Variants in UMOD observed in about 807,000 individuals in gnomAD.
UMOD encodes the protein Tamm-Horsfall urinary glycoprotein.
UMOD carries 64 observed loss-of-function variants against 66.0 expected under a neutral mutation model. The ratio of observed to expected loss-of-function variants is 0.97; its 90% CI spans 0.79 to 1.19. UMOD has a LOEUF of 1.19. Among genes scored for constraint, UMOD ranks in the 50% most tolerant of loss-of-function variants. UMOD has a pLI of 0.00. For missense variants in UMOD, 764 were observed against 850.9 expected (o/e 0.90, Z 1.27); for synonymous variants, 398 against 352.7 (o/e 1.13, Z -1.44).
intron 5 of UMOD, among the ~76,000 whole-genome samples, chr16:20,345,628 A>G (rs1022934988): frequency 6.8e-6 from 1 of 147,210 alleles, no homozygotes; most frequent in African/African-American, 2.5e-5. Flanking sequence ...GTAATGAGGG[A>G]GGTGGCAGGA....
In UMOD at chr16:20,344,192, TGGAGGGGG is replaced by T; in HGVS notation, c.1183-28_1183-21del. 1.8e-6 allele frequency: 1 copy of T among 555,038 alleles called. No homozygotes were observed. The highest frequency in any genetic ancestry group is 2.9e-6 in the Non-Finnish European group (1 of 342,518). The allele number at this position is 555,038 out of a possible 1,614,324, so 34.4% of individuals were successfully genotyped here. A position where few individuals can be genotyped will look rare whatever the true frequency, so the allele number is the denominator to read the frequency against. ...ATTCCTCTGTTGCAGGGAATGGGGG[TGGAGGGGG>T]GGTGGGGATGAGAGAAAGGGGCATG... is the stretch of plus-strand genomic sequence containing the variant. On this transcript the variant is annotated intron_variant, in intron 5 of 10. Coordinates refer to ENST00000396138, the MANE Select transcript of UMOD (RefSeq NM_003361.4).
chr16:20,336,951 T>C (rs966933299), intron 8 of UMOD, among the ~76,000 whole-genome samples: 1 of 152,188 alleles, frequency 6.6e-6, no homozygotes, highest in Non-Finnish European at 1.5e-5. Context: ...CCTCTCCTCA[T>C]GAGGAAAGGG....
intron 4 of UMOD, among the ~76,000 whole-genome samples, 160 bp downstream of exon 4, chr16:20,348,063 G>A (rs1596560399): frequency 6.6e-6 from 1 of 152,292 alleles, no homozygotes; most frequent in Non-Finnish European, 1.5e-5. Flanking sequence ...GCCTCTTGCC[G>A]GCTTTAATGG....
Position 20,341,146 on chromosome 16 carries a change from C to T in UMOD, c.1522G>A (p.Ala508Thr). The T allele has an allele frequency of 6.2e-7, 1 of 1,614,102 alleles. No homozygotes were observed. The highest frequency in any genetic ancestry group is 8.5e-7 in the Non-Finnish European group (1 of 1,180,036). ...TCCGTGGCATTGCTACTGGGTGTGG[C>T]ATAGCAGTTGGTCATGAGCAGTGCA... is the stretch of plus-strand genomic sequence containing the variant. ...RFALLMTNCYATPSSNATDPL... is the reference protein window; with the variant it reads ...RFALLMTNCYTTPSSNATDPL... Residue 508 changes from alanine to threonine, a missense_variant, in exon 7 of 11, where the codon GCC (alanine) becomes ACC (threonine). Physicochemically the swap from Ala to Thr is moderately conservative, Grantham distance 58. Transcript: ENST00000396138.
chr16:20,348,977 G>C lies in UMOD; in HGVS notation c.324C>G (p.Asp108Glu). 6.4e-7 allele frequency: 1 copy of C among 1,574,374 alleles called. No homozygotes were observed. The highest frequency in any genetic ancestry group is 8.6e-7 in the Non-Finnish European group (1 of 1,160,066). The change falls in exon 3 of 11, where the codon GAC (aspartate) becomes GAG (glutamate). Residue 108 changes from aspartate to glutamate, a missense_variant. Coordinates refer to ENST00000396138, the MANE Select transcript of UMOD (RefSeq NM_003361.4). Reference sequence around the variant, plus strand: ...GCCCAGGCTCAGCGCACTCATCCACGTCTGTGCAGCCGAGACCGGGCGACA... The same window carrying C: ...GCCCAGGCTCAGCGCACTCATCCACCTCTGTGCAGCCGAGACCGGGCGACA... ...FRLSPGLGCT[D>E]VDECAEPGLS...
At chr16:20,340,468 G>A (rs1367193840) in intron 7 of UMOD, among the ~76,000 whole-genome samples, 21 of 110,568 alleles carry the variant, frequency 1.9e-4, no homozygotes, top group Non-Finnish European at 3.3e-4. Flanking sequence ...ATATGTGTGT[G>A]TGTGTATATA....
At chr16:20,335,630 T>G in intron 9 of UMOD, 110 bp from the exon 10 acceptor site, 2 of 1,061,432 alleles carry the variant, frequency 1.9e-6, no homozygotes, top group Non-Finnish European at 2.9e-6. Flanking sequence ...GACTGATCTC[T>G]TCAAAACCCA....
chr16:20,344,731 T>C (rs917219680), intron 5 of UMOD, among the ~76,000 whole-genome samples: 1 of 152,220 alleles, frequency 6.6e-6, no homozygotes, highest in East Asian at 1.9e-4. Flanking sequence ...CATGCGCATA[T>C]GTCATGTGCC....
rs1188136848 is a variant in UMOD at position 20,337,344 on chromosome 16, A to G, written c.1687T>C (p.Tyr563His). 1 of 1,614,248 alleles carries G rather than the reference A, an allele frequency of 6.2e-7. No individual in the cohort carries two copies. The highest frequency in any genetic ancestry group is 1.3e-5 in the African/African-American group (1 of 75,066). ...CAGAGATAGACTTCACAGTGCAGGT[A>G]GACTAGGTCATAGTTTCCAGCAAAC... Reference protein sequence around the residue: ...FRFAGNYDLVYLHCEVYLCDT... With the variant: ...FRFAGNYDLVHLHCEVYLCDT... Residue 563 changes from tyrosine (Y) to histidine (H), a missense_variant, in exon 8 of 11, where the codon TAC becomes CAC. Coordinates refer to ENST00000396138, the MANE Select transcript of UMOD (RefSeq NM_003361.4).
At chr16:20,345,490 CCCTCCCTCCCTCCCTTCCTT>C (rs1486920458) in intron 5 of UMOD, among the ~76,000 whole-genome samples, 20 of 48,730 alleles carry the variant, frequency 4.1e-4, no homozygotes, top group African/African-American at 1.2e-3. Flanking sequence ...TTCCCTCCCT[CCCTCCCTCCCTCCCTTCCTT>C]CCTTCCTTCC....
intron 6 of UMOD, among the ~76,000 whole-genome samples, chr16:20,342,665 C>T (rs976325714): frequency 1.3e-5 from 2 of 152,216 alleles, no homozygotes; most frequent in Admixed American, 6.5e-5. Flanking sequence ...CTAGACTTTA[C>T]AGCTTTGGGT....
upstream of UMOD, among the ~76,000 whole-genome samples, chr16:20,353,772 T>C (rs1372386264): frequency 6.6e-6 from 1 of 151,334 alleles, no homozygotes; most frequent in African/African-American, 2.4e-5. Flanking sequence ...TTTTTTTTTT[T>C]ATACTTTAAG....
chr16:20,348,452 G>T lies in UMOD; in HGVS notation c.849C>A (p.His283Gln). The change falls in exon 3 of 11, where the codon CAC becomes CAA. Residue 283 changes from histidine to glutamine, a missense_variant. His to Gln is a conservative substitution (Grantham distance 24). Transcript: ENST00000396138. ...VYNLTAPPEC[H>Q]LAYCTDPSSV... ...CCGGCTGACCTGTGCAGTACGCCAG[G>T]TGACACTCGGGGGGCGCTGTCAGGT... 6.2e-7 allele frequency: 1 copy of T among 1,613,678 alleles called. No individual in the cohort carries two copies. The highest frequency in any genetic ancestry group is 2.2e-5 in the East Asian group (1 of 44,880).
chr16:20,340,089 C>T (rs1169903476), intron 7 of UMOD, among the ~76,000 whole-genome samples: 1 of 152,156 alleles, frequency 6.6e-6, no homozygotes, highest in East Asian at 1.9e-4. Flanking sequence ...ATAAACCCTA[C>T]TCAGCTCTCT....
chr16:20,349,780 T>C, intron 2 of UMOD: 1 of 1,549,842 alleles, frequency 6.5e-7, no homozygotes, highest in Non-Finnish European at 8.7e-7. Flanking sequence ...CTTCCCTGGC[T>C]GGTGAAATCT....
intron 2 of UMOD, chr16:20,349,695 A>G: frequency 6.7e-7 from 1 of 1,489,662 alleles, no homozygotes; most frequent in Non-Finnish European, 8.9e-7. Flanking sequence ...AGTAATGCGC[A>G]GAATTCCTAT....
chr16:20,336,143 A>G (rs1964854657), intron 9 of UMOD, among the ~76,000 whole-genome samples: 1 of 152,092 alleles, frequency 6.6e-6, no homozygotes. Context: ...CCCTTCCTAA[A>G]CCACTCCTAA....
Position 20,348,886 on chromosome 16 carries a change from C to T in UMOD, c.415G>A (p.Ala139Thr), listed in dbSNP as rs1489565295. ...VVGSYLCVCP[A>T]GYRGDGWHCE... The stretch of plus-strand genomic sequence containing the variant: ...TGCCATCCATCCCCCCGGTAGCCCG[C>T]GGGGCATACGCACAAGTAGCTGCCC... Residue 139 changes from alanine (A) to threonine (T), a missense_variant, in exon 3 of 11, where the codon GCG becomes ACG. Physicochemically the swap from Ala to Thr is moderately conservative, Grantham distance 58. Transcript: ENST00000396138. 1.1e-5 allele frequency: 17 copies of T among 1,552,850 alleles called. No individual in the cohort carries two copies. The South Asian group carries it at 1.2e-4, about 11-fold the overall frequency.
chr16:20,348,177 C>T, intron 4 of UMOD, 46 bp downstream of exon 4: 1 of 1,520,804 alleles, frequency 6.6e-7, no homozygotes, highest in Non-Finnish European at 9.1e-7. Context: ...CTCCCCCAGG[C>T]AGTGACAGGT....
Sources: allele counts gnomAD v4.1 joint callset (sites outside exome capture counted in the v4.1 genomes callset), GRCh38; gene constraint gnomAD v4.1.1; transcripts MANE v1.5; gene names NCBI Gene and HGNC (gene_info 2026-07-23, HGNC 2026-07-21).